The following SLC24A4 variants were observed in gnomAD, a reference collection of about 807,000 sequenced individuals.
SLC24A4 encodes the protein solute carrier family 24 member 4.
In SLC24A4, 53 loss-of-function variants were observed where a neutral mutation model predicts 79.0. The ratio of observed to expected loss-of-function variants is 0.67; its 90% CI spans 0.54 to 0.84. SLC24A4 has a LOEUF of 0.84. SLC24A4 is among the 40% of genes least tolerant of loss of function. The pLI is 0.00. For synonymous variants in SLC24A4, 323 were observed against 323.8 expected (o/e 1.00, Z 0.03); for missense variants, 731 against 822.0 (o/e 0.89, Z 1.35).
chr14:92,494,059 C>T lies in SLC24A4; in HGVS notation c.*431C>T, dbSNP rs1440571302. On this transcript the variant is annotated 3_prime_UTR_variant, in exon 17 of 17. Coordinates refer to ENST00000532405, the MANE Select transcript of SLC24A4 (RefSeq NM_153646.4). The surrounding 1 kb of genome is among the most constrained non-coding windows in gnomAD (Gnocchi z 4.6). ...ATAGGAATGTTGTTCTCAAGTGTCA[C>T]CTCCAGCCCAGAGGTGGTTCCTTAG... The T allele has an allele frequency of 5.9e-6, 1 of 168,628 alleles. No individual in the cohort carries two copies. Among genetic ancestry groups the T allele is most frequent in the Non-Finnish European group, 1.3e-5 (1 of 76,782 alleles). 10.4% of individuals were successfully genotyped at this position (168,628 alleles called of 1,614,324 possible). A position where few individuals can be genotyped will look rare whatever the true frequency, so the allele number is the denominator to read the frequency against.
intron 2 of SLC24A4, among the ~76,000 whole-genome samples, chr14:92,419,887 G>T (rs1477339654): frequency 6.6e-6 from 1 of 152,214 alleles, no homozygotes; most frequent in Non-Finnish European, 1.5e-5. Flanking sequence ...TGGAAATAGG[G>T]TCTCTGCAGA....
chr14:92,374,318 C>T (rs1407603034), intron 2 of SLC24A4, among the ~76,000 whole-genome samples: 1 of 152,214 alleles, frequency 6.6e-6, no homozygotes, highest in East Asian at 1.9e-4. Flanking sequence ...AGGCTCAGAC[C>T]AAGAAGCGAC....
chr14:92,456,272 G>A, intron 11 of SLC24A4, 132 bp from the exon 12 acceptor site: 2 of 813,942 alleles, frequency 2.5e-6, no homozygotes, highest in Non-Finnish European at 4.0e-6. Flanking sequence ...CTGATTCTCA[G>A]GCAAACCTGT....
intron 2 of SLC24A4, among the ~76,000 whole-genome samples, chr14:92,416,122 G>GCT (rs1555367606): frequency 6.8e-6 from 1 of 147,918 alleles, no homozygotes; most frequent in Non-Finnish European, 1.5e-5. Context: ...TTGTGTGTGT[G>GCT]GTGTGTGTGT....
At chr14:92,410,552 T>C (rs982468937) in intron 2 of SLC24A4, among the ~76,000 whole-genome samples, 1 of 152,174 alleles carries the variant, frequency 6.6e-6, no homozygotes, top group African/African-American at 2.4e-5. Flanking sequence ...TGTCATAGTT[T>C]TGGTATCATT....
intron 4 of SLC24A4, 73 bp downstream of exon 4, chr14:92,439,482 G>A (rs1595282130): frequency 2.2e-6 from 3 of 1,356,986 alleles, no homozygotes; most frequent in African/African-American, 2.9e-5. Context: ...AAGCCAAGAA[G>A]GCCAGGGCTG....
chr14:92,382,871 G>A (rs1888933063), intron 2 of SLC24A4, among the ~76,000 whole-genome samples: 1 of 152,216 alleles, frequency 6.6e-6, no homozygotes, highest in South Asian at 2.1e-4. Flanking sequence ...GCACAGGAAT[G>A]CAGCTCTTCT....
At chr14:92,334,546 CCT>C (rs774179798) in intron 2 of SLC24A4, among the ~76,000 whole-genome samples, 2 of 152,142 alleles carry the variant, frequency 1.3e-5, no homozygotes, top group Non-Finnish European at 2.9e-5. Flanking sequence ...ATTCTCCCTC[CCT>C]CTCTCTCTTT....
intron 12 of SLC24A4, among the ~76,000 whole-genome samples, chr14:92,467,363 T>C (rs917070817): frequency 1.3e-5 from 2 of 152,216 alleles, no homozygotes; most frequent in African/African-American, 4.8e-5. Flanking sequence ...ATTTTCTTGA[T>C]GAAGACACAC....
chr14:92,336,183 GA>G (rs1325536138), intron 2 of SLC24A4, among the ~76,000 whole-genome samples: 1 of 151,884 alleles, frequency 6.6e-6, no homozygotes, highest in East Asian at 1.9e-4. Flanking sequence ...GTTAAAAATG[GA>G]AATTATAAAG....
At chr14:92,476,683 A>G (rs1037432412) in intron 12 of SLC24A4, among the ~76,000 whole-genome samples, 11 of 152,156 alleles carry the variant, frequency 7.2e-5, no homozygotes, top group Non-Finnish European at 1.5e-4. Flanking sequence ...CCCACTTTTC[A>G]TAGTCCCATG....
rs1895835084 is a variant in SLC24A4, at chr14:92,493,873, A to G, written c.*245A>G. 1.9e-6 allele frequency: 1 copy of G among 534,536 alleles called. No homozygotes were observed. The highest frequency in any genetic ancestry group is 3.3e-6 in the Non-Finnish European group (1 of 300,270). The allele number at this position is 534,536 out of a possible 1,614,324, so 33.1% of individuals were successfully genotyped here. ...GGGGGCCATTATCTGAGCAGCTTCAAAGACCCCTGAGCTGCCAACCACGGA... is the reference window on the plus strand; with the variant it reads ...GGGGGCCATTATCTGAGCAGCTTCAGAGACCCCTGAGCTGCCAACCACGGA... On this transcript the variant is annotated 3_prime_UTR_variant, in exon 17 of 17. Transcript: ENST00000532405.
rs189177988 is a variant in SLC24A4 at position 92,433,227 on chromosome 14, G to C, written c.242-685G>C. ...TTCGTGTATACCTCCGTTCATGAGC[G>C]TGCTTATCTGCTGATGATTTTGAAT... On this transcript the variant is annotated intron_variant, in intron 2 of 16. Transcript: ENST00000532405. Among the ~76,000 whole-genome samples the C allele has an allele frequency of 2.0e-4, 31 of 152,266 alleles. 1 individual carries two copies. The East Asian group carries it at 5.4e-3, about 27-fold the overall frequency.
intron 2 of SLC24A4, among the ~76,000 whole-genome samples, chr14:92,328,604 C>T (rs369109210): frequency 2.4e-4 from 36 of 152,382 alleles, no homozygotes; most frequent in Middle Eastern, 6.8e-3. Flanking sequence ...GGCTCTGTTT[C>T]TCCATCTCTG....
intron 11 of SLC24A4, among the ~76,000 whole-genome samples, chr14:92,455,056 G>A (rs1893377876): frequency 6.6e-6 from 1 of 152,206 alleles, no homozygotes; most frequent in Non-Finnish European, 1.5e-5. Context: ...AAGTTGCTGA[G>A]ATACTGGTTA....
At position 92,327,238 on chromosome 14, in the gene SLC24A4, A is replaced by G. The variant is rs376513212; in HGVS notation, c.241+1260A>G. 2.6e-5 allele frequency among the ~76,000 whole-genome samples: 4 copies of G among 152,164 alleles called. No individual in the cohort carries two copies. In the East Asian group the frequency reaches 7.7e-4, roughly 29 times the overall value. On this transcript the variant is annotated intron_variant, in intron 2 of 16. Transcript: ENST00000532405. ...TCCCTGCCCTCAGATGCCTTCTGAG[A>G]AGTCCACCGGGAGGGACGTGGTGGT...
chr14:92,490,059 A>G lies in SLC24A4; in HGVS notation c.1538-1606A>G, dbSNP rs1566807581. Among the ~76,000 whole-genome samples, 1 of 152,160 alleles carries G rather than the reference A, an allele frequency of 6.6e-6. No individual in the cohort carries two copies. The highest frequency in any genetic ancestry group is 2.4e-5 in the African/African-American group (1 of 41,440). ...GGAGTGTAAGGGGCCAACAGATGAC[A>G]GCAACAAGCAGGGGAGGAGGAGGTG... is the stretch of plus-strand genomic sequence containing the variant. On this transcript the variant is annotated intron_variant, in intron 14 of 16. Transcript: ENST00000532405. This position sits in a 1 kb window ranked among gnomAD's most constrained non-coding sequence, Gnocchi z 4.3.
At chr14:92,379,123 G>A (rs890903762) in intron 2 of SLC24A4, among the ~76,000 whole-genome samples, 9 of 152,216 alleles carry the variant, frequency 5.9e-5, no homozygotes, top group Non-Finnish European at 1.0e-4. Context: ...CTTGGAATGC[G>A]AGAGAGGTGT....
chr14:92,448,379 C>CACACACACACACACACACACACAA (rs1491519475), intron 9 of SLC24A4, among the ~76,000 whole-genome samples: 1 of 148,704 alleles, frequency 6.7e-6, no homozygotes, highest in African/African-American at 2.5e-5. Context: ...CACACACACA[C>CACACACACACACACACACACACAA]AAATCCCTAC....
Sources: allele counts gnomAD v4.1 joint callset (sites outside exome capture counted in the v4.1 genomes callset), GRCh38; gene constraint gnomAD v4.1.1; non-coding constraint Gnocchi (gnomAD v3.1); transcripts MANE v1.5; gene names NCBI Gene and HGNC (gene_info 2026-07-23, HGNC 2026-07-21).